The following NSMCE1 variants were observed in gnomAD, a reference collection of about 807,000 sequenced individuals.
NSMCE1 encodes the protein non-structural maintenance of chromosomes element 1 homolog.
In NSMCE1, 18 loss-of-function variants were observed where a neutral mutation model predicts 29.6. The ratio of observed to expected loss-of-function variants is 0.61; its 90% CI spans 0.42 to 0.90. NSMCE1 has a LOEUF of 0.90. Ranked by LOEUF, NSMCE1 falls within the 40% of genes least tolerant of loss-of-function variation. NSMCE1 has a pLI of 0.00. For synonymous variants in NSMCE1, 124 were observed against 133.4 expected (o/e 0.93, Z 0.49); for missense variants, 314 against 343.6 (o/e 0.91, Z 0.68).
rs535786488 is a variant in NSMCE1 at position 27,240,969 on chromosome 16, G to A, written c.137-5670C>T. Among the ~76,000 whole-genome samples the A allele has an allele frequency of 2.6e-5, 4 of 152,280 alleles. No individual in the cohort carries two copies. In the East Asian group the frequency reaches 5.8e-4, roughly 22 times the overall value. On this transcript the variant is annotated intron_variant, in intron 2 of 7. Transcript: ENST00000361439. ...TGTGGCTATAGTCTCAGCTACTTGG[G>A]AGGCTGAGGCAGGAGGATAGCTTGA...
At chr16:27,242,000 T>C (rs1010477801) in intron 2 of NSMCE1, 1 of 340,702 alleles carries the variant, frequency 2.9e-6, no homozygotes, top group African/African-American at 2.1e-5. Flanking sequence ...AATTCTTACA[T>C]ATACATGCAA....
intron 2 of NSMCE1, among the ~76,000 whole-genome samples, chr16:27,251,535 C>T (rs563212312): frequency 5.3e-5 from 8 of 152,080 alleles, no homozygotes; most frequent in African/African-American, 9.7e-5. Context: ...GGGTTTAGCA[C>T]GTTAACGTCT....
rs1421649221 is a variant in NSMCE1, at chr16:27,232,803, G to A, written c.483+198C>T. 6.6e-6 allele frequency among the ~76,000 whole-genome samples: 1 copy of A among 152,250 alleles called. No homozygotes were observed. Among genetic ancestry groups the A allele is most frequent in the East Asian group, 1.9e-4 (1 of 5,204 alleles). Reference sequence around the variant, plus strand: ...GTGGCATCCTGAACACATCATCTGGGTGAACGGGGAGTGGGAGGCAGGAGG... The same window carrying A: ...GTGGCATCCTGAACACATCATCTGGATGAACGGGGAGTGGGAGGCAGGAGG... On this transcript the variant is annotated intron_variant, in intron 5 of 7. Transcript: ENST00000361439. The surrounding 1 kb of genome is among the most constrained non-coding windows in gnomAD (Gnocchi z 4.5).
At chr16:27,229,432 C>T (rs1156597710) in intron 5 of NSMCE1, among the ~76,000 whole-genome samples, 1 of 152,194 alleles carries the variant, frequency 6.6e-6, no homozygotes, top group African/African-American at 2.4e-5. Flanking sequence ...CTCCTGTGTC[C>T]GCAGCACCTG....
Position 27,232,411 on chromosome 16 carries a change from G to A in NSMCE1, c.483+590C>T, listed in dbSNP as rs2083771763. On this transcript the variant is annotated intron_variant, in intron 5 of 7. Coordinates refer to ENST00000361439, the MANE Select transcript of NSMCE1 (RefSeq NM_145080.4). This position sits in a 1 kb window ranked among gnomAD's most constrained non-coding sequence, Gnocchi z 4.5. ...AGTGGGGCCTGTCCCAGATGTCACA[G>A]CTCCTTTCCTGAAGCAGGTCTATGC... Among the ~76,000 whole-genome samples, 1 of 152,208 alleles carries A rather than the reference G, an allele frequency of 6.6e-6. No homozygotes were observed. Among genetic ancestry groups the A allele is most frequent in the South Asian group, 2.1e-4 (1 of 4,834 alleles).
intron 5 of NSMCE1, among the ~76,000 whole-genome samples, chr16:27,231,734 A>C (rs1316662325): frequency 6.6e-6 from 1 of 152,150 alleles, no homozygotes; most frequent in Non-Finnish European, 1.5e-5. Flanking sequence ...CTAGTGCCAA[A>C]TACAGCCTGG....
chr16:27,267,028 T>A (rs1439347708), intron 1 of NSMCE1, among the ~76,000 whole-genome samples: 1 of 152,176 alleles, frequency 6.6e-6, no homozygotes, highest in African/African-American at 2.4e-5. Flanking sequence ...TAAGGCAGAA[T>A]TATCTCTCTG....
intron 2 of NSMCE1, among the ~76,000 whole-genome samples, chr16:27,247,036 G>A (rs2083965263): frequency 6.6e-6 from 1 of 151,616 alleles, no homozygotes; most frequent in Admixed American, 6.6e-5. Flanking sequence ...AATAGCACAT[G>A]TGGCTACTGA....
At chr16:27,241,710 G>A in intron 2 of NSMCE1, 1 of 263,572 alleles carries the variant, frequency 3.8e-6, no homozygotes, top group South Asian at 3.3e-5. Context: ...AAGGAGAGTG[G>A]CTGGTCTGTG....
intron 2 of NSMCE1, among the ~76,000 whole-genome samples, chr16:27,240,196 C>T (rs971830897): frequency 2.6e-5 from 4 of 152,170 alleles, no homozygotes; most frequent in Admixed American, 1.3e-4. Context: ...CTATACCAGA[C>T]CCCACCGTCA....
At chr16:27,263,560 G>A (rs2084185867) in intron 1 of NSMCE1, among the ~76,000 whole-genome samples, 1 of 152,272 alleles carries the variant, frequency 6.6e-6, no homozygotes. Context: ...GAGGGTGGGA[G>A]GAGGAAGAAG....
At position 27,225,800 on chromosome 16, in the gene NSMCE1, A is replaced by AC; in HGVS notation, c.646dup (p.Val216GlyfsTer10). The AC allele has an allele frequency of 6.2e-7, 1 of 1,614,172 alleles. No individual in the cohort carries two copies. Among genetic ancestry groups the AC allele is most frequent in the Non-Finnish European group, 8.5e-7 (1 of 1,180,006 alleles). Reference sequence around the variant, plus strand: ...AGCATTCGACTGGAAGTACTTGGCCACGCAGGGTAAGTGCATCCTGATCCC... The same window carrying AC: ...AGCATTCGACTGGAAGTACTTGGCCACCGCAGGGTAAGTGCATCCTGATCCC... On this transcript the variant is annotated frameshift_variant, in exon 7 of 8. Transcript: ENST00000361439. LOFTEE classifies it high-confidence loss of function.
intron 6 of NSMCE1, 46 bp from the exon 7 acceptor site, chr16:27,225,892 A>G (rs1431124027): frequency 6.2e-7 from 1 of 1,607,860 alleles, no homozygotes; most frequent in Non-Finnish European, 8.5e-7. Flanking sequence ...GCACACCTCC[A>G]TGTTCTGCAA....
chr16:27,238,722 A>G (rs1033362492), intron 2 of NSMCE1, among the ~76,000 whole-genome samples: 1 of 152,192 alleles, frequency 6.6e-6, no homozygotes, highest in Non-Finnish European at 1.5e-5. Context: ...GCAAGGGACA[A>G]AAGGAAGCTT....
chr16:27,265,719 C>T (rs1336356630), intron 1 of NSMCE1, among the ~76,000 whole-genome samples: 1 of 152,180 alleles, frequency 6.6e-6, no homozygotes, highest in Non-Finnish European at 1.5e-5. Flanking sequence ...CAAAGTAGAG[C>T]TCCTCACATC....
intron 2 of NSMCE1, among the ~76,000 whole-genome samples, chr16:27,247,323 T>C (rs557354283): frequency 6.6e-6 from 1 of 152,306 alleles, no homozygotes; most frequent in South Asian, 2.1e-4. Context: ...GCACTTCTCC[T>C]TCCTGCCTGC....
At chr16:27,248,585 A>AT (rs1466457638) in intron 2 of NSMCE1, among the ~76,000 whole-genome samples, 5 of 151,064 alleles carry the variant, frequency 3.3e-5, no homozygotes, top group Admixed American at 3.3e-4. Context: ...TAATTTTTGT[A>AT]TTTTTAGTAG....
intron 5 of NSMCE1, among the ~76,000 whole-genome samples, chr16:27,227,392 A>C (rs1466003156): frequency 6.6e-6 from 1 of 152,240 alleles, no homozygotes; most frequent in Non-Finnish European, 1.5e-5. Context: ...AGGCCCCATC[A>C]CACTGTGGGC....
At chr16:27,249,858 GA>G (rs2084004382) in intron 2 of NSMCE1, among the ~76,000 whole-genome samples, 1 of 152,168 alleles carries the variant, frequency 6.6e-6, no homozygotes, top group Non-Finnish European at 1.5e-5. Context: ...GGGGAGAATT[GA>G]TACCTTAACA....
Sources: gnomAD v4.1 joint callset for allele counts (sites outside exome capture counted in the v4.1 genomes callset) on GRCh38, gnomAD v4.1.1 for gene constraint, Gnocchi (gnomAD v3.1) non-coding constraint, MANE v1.5 for transcripts, NCBI Gene and HGNC (gene_info 2026-07-23, HGNC 2026-07-21) for gene names.